Variants in CNTNAP5 observed in about 807,000 individuals in gnomAD.
CNTNAP5 encodes the protein contactin-associated protein-like 5.
CNTNAP5 carries 72 observed loss-of-function variants against 150.2 expected under a neutral mutation model. That is an observed-to-expected ratio of 0.48 (90% CI 0.40 to 0.58). CNTNAP5 has a LOEUF of 0.58. Among genes scored for constraint, CNTNAP5 ranks in the 20% least tolerant of loss-of-function variants. The probability of loss-of-function intolerance (pLI) is 0.00; values close to 1 mark genes in which losing one functional copy is unlikely to be tolerated. For synonymous variants in CNTNAP5, 672 were observed against 619.8 expected (o/e 1.08, Z -1.25); for missense variants, 1,636 against 1,626.2 (o/e 1.01, Z -0.10).
At chr2:124,182,323 C>T (rs1179307342) in intron 1 of CNTNAP5, among the ~76,000 whole-genome samples, 2 of 152,124 alleles carry the variant, frequency 1.3e-5, no homozygotes, top group African/African-American at 4.8e-5. Flanking sequence ...CACAGGCACT[C>T]CTCCTTAAAT....
intron 11 of CNTNAP5, among the ~76,000 whole-genome samples, chr2:124,569,873 C>G (rs1166047322): frequency 6.6e-6 from 1 of 152,308 alleles, no homozygotes; most frequent in East Asian, 1.9e-4. Flanking sequence ...AGGGACAACA[C>G]TTGCTTTAAC....
intron 17 of CNTNAP5, among the ~76,000 whole-genome samples, chr2:124,785,944 G>C (rs1373881341): frequency 6.6e-6 from 1 of 152,114 alleles, no homozygotes; most frequent in East Asian, 1.9e-4. Flanking sequence ...GGCATAGAAA[G>C]AAGCAGACAA....
intron 3 of CNTNAP5, among the ~76,000 whole-genome samples, chr2:124,398,479 A>ATTTATTT (rs751659845): frequency 1.3e-5 from 1 of 78,136 alleles, no homozygotes; most frequent in East Asian, 5.7e-4. Context: ...AGAAATTTTT[A>ATTTATTT]CTTTATTTAT....
intron 13 of CNTNAP5, among the ~76,000 whole-genome samples, chr2:124,719,690 TC>T (rs2105114430): frequency 6.6e-6 from 1 of 152,292 alleles, no homozygotes; most frequent in South Asian, 2.1e-4. Context: ...TTAAACTATA[TC>T]CCCATTTTTT....
At chr2:124,746,269 C>A (rs1370357842) in intron 13 of CNTNAP5, among the ~76,000 whole-genome samples, 1 of 152,088 alleles carries the variant, frequency 6.6e-6, no homozygotes, top group African/African-American at 2.4e-5. Flanking sequence ...TGCAGTATCA[C>A]TTTAAGAATG....
intron 1 of CNTNAP5, among the ~76,000 whole-genome samples, chr2:124,134,118 A>G (rs183939890): frequency 6.6e-6 from 1 of 152,128 alleles, no homozygotes; most frequent in Non-Finnish European, 1.5e-5. Flanking sequence ...GTGGGACCCA[A>G]TTCTGGTGTC....
intron 1 of CNTNAP5, among the ~76,000 whole-genome samples, chr2:124,096,105 T>A (rs147570017): frequency 6.6e-6 from 1 of 152,334 alleles, no homozygotes; most frequent in East Asian, 1.9e-4. Context: ...TTTCTTATTT[T>A]GCTCGACATA....
intron 21 of CNTNAP5, among the ~76,000 whole-genome samples, chr2:124,875,139 T>G (rs1364280929): frequency 6.6e-6 from 1 of 152,066 alleles, no homozygotes; most frequent in Non-Finnish European, 1.5e-5. Flanking sequence ...GTTTAAACTT[T>G]GAGCCTACTG....
intron 11 of CNTNAP5, among the ~76,000 whole-genome samples, chr2:124,582,795 A>C (rs1234660804): frequency 2.0e-5 from 3 of 152,232 alleles, no homozygotes; most frequent in Non-Finnish European, 2.9e-5. Context: ...ATTTTAGAAC[A>C]ACATAATGTT....
intron 1 of CNTNAP5, among the ~76,000 whole-genome samples, chr2:124,138,892 A>T (rs1422745603): frequency 6.6e-6 from 1 of 151,848 alleles, no homozygotes; most frequent in East Asian, 2.0e-4. Context: ...TTCTAGAAGA[A>T]GCCATGTCCT....
At chr2:124,632,194 A>G (rs910374256) in intron 12 of CNTNAP5, among the ~76,000 whole-genome samples, 1 of 152,198 alleles carries the variant, frequency 6.6e-6, no homozygotes, top group South Asian at 2.1e-4. Flanking sequence ...CAGCAATCCC[A>G]TTACTGGGTA....
At chr2:124,527,240 G>T in intron 9 of CNTNAP5, 45 bp from the exon 10 acceptor site, 1 of 1,565,688 alleles carries the variant, frequency 6.4e-7, no homozygotes, top group South Asian at 1.1e-5. Flanking sequence ...AAGCAATGAC[G>T]GATCATTTCA....
intron 3 of CNTNAP5, among the ~76,000 whole-genome samples, chr2:124,352,534 C>T (rs1179310188): frequency 1.3e-5 from 2 of 152,196 alleles, no homozygotes; most frequent in African/African-American, 2.4e-5. Context: ...GTCTGAACAT[C>T]TGCCACTTTC....
At chr2:124,756,909 T>C (rs1157191860) in intron 14 of CNTNAP5, among the ~76,000 whole-genome samples, 1 of 151,982 alleles carries the variant, frequency 6.6e-6, no homozygotes, top group East Asian at 1.9e-4. Context: ...ATCTTGCACA[T>C]GTACCCCTGA....
chr2:124,670,229 C>A (rs1017741388), intron 13 of CNTNAP5, among the ~76,000 whole-genome samples: 1 of 129,822 alleles, frequency 7.7e-6, no homozygotes, highest in Admixed American at 7.9e-5. Flanking sequence ...TTCTTTCTTT[C>A]TTTCTTTCTT....
At chr2:124,662,804 T>C (rs909073773) in intron 13 of CNTNAP5, among the ~76,000 whole-genome samples, 1 of 152,258 alleles carries the variant, frequency 6.6e-6, no homozygotes, top group Non-Finnish European at 1.5e-5. Flanking sequence ...ATGTCATATG[T>C]ATCCACATGT....
At chr2:124,597,879 T>G (rs1409569482) in intron 11 of CNTNAP5, among the ~76,000 whole-genome samples, 1 of 140,530 alleles carries the variant, frequency 7.1e-6, no homozygotes, top group Non-Finnish European at 1.5e-5. Flanking sequence ...CCCTTCTTGC[T>G]TCATTTCATT....
intron 13 of CNTNAP5, among the ~76,000 whole-genome samples, chr2:124,708,118 C>T (rs1336047903): frequency 6.6e-6 from 1 of 152,160 alleles, no homozygotes; most frequent in African/African-American, 2.4e-5. Context: ...AATTAATAGG[C>T]TAAAAACTCA....
chr2:124,834,921 C>T (rs960362044), intron 19 of CNTNAP5, among the ~76,000 whole-genome samples: 3 of 151,696 alleles, frequency 2.0e-5, no homozygotes, highest in Admixed American at 6.6e-5. Context: ...ATCCAGTTCT[C>T]TAGTGACCTT....
Sources: allele counts gnomAD v4.1 joint callset (sites outside exome capture counted in the v4.1 genomes callset), GRCh38; gene constraint gnomAD v4.1.1; transcripts MANE v1.5; gene names NCBI Gene and HGNC (gene_info 2026-07-23, HGNC 2026-07-21).